PCDHGA5: variants seen among roughly 807,000 people sequenced by gnomAD.
PCDHGA5 encodes protocadherin gamma-A5.
PCDHGA5 carries 36 observed loss-of-function variants against 56.7 expected under a neutral mutation model. That is an observed-to-expected ratio of 0.64 (90% CI 0.49 to 0.84). The LOEUF is 0.84. Ranked by LOEUF, PCDHGA5 falls within the 40% of genes least tolerant of loss-of-function variation. The probability of loss-of-function intolerance (pLI) is 0.00; values close to 1 mark genes in which losing one functional copy is unlikely to be tolerated. For missense variants in PCDHGA5, 1,305 were observed against 1,201.5 expected (o/e 1.09, Z -1.27); for synonymous variants, 563 against 520.2 (o/e 1.08, Z -1.12).
chr5:141,399,346 GACCGAGAGCAA>G, intron 1 of PCDHGA5: 1 of 1,613,890 alleles, frequency 6.2e-7, no homozygotes, highest in Non-Finnish European at 8.5e-7. Flanking sequence ...TGGAACCCTA[GACCGAGAGCAA>G]ACCCCGGAGT....
intron 1 of PCDHGA5, chr5:141,420,380 C>T (rs1343046478): frequency 7.7e-7 from 1 of 1,306,574 alleles, no homozygotes; most frequent in Non-Finnish European, 1.0e-6. Flanking sequence ...TCATAGAGTT[C>T]GCAAAATATA....
chr5:141,373,352 G>A (rs1311109117), intron 1 of PCDHGA5, among the ~76,000 whole-genome samples: 5 of 152,178 alleles, frequency 3.3e-5, no homozygotes, highest in Non-Finnish European at 7.3e-5. Context: ...CTCTTGTAAT[G>A]GGCACTGTAA....
intron 1 of PCDHGA5, among the ~76,000 whole-genome samples, chr5:141,492,882 C>G (rs2099744816): frequency 6.6e-6 from 1 of 152,218 alleles, no homozygotes; most frequent in Admixed American, 6.5e-5. Context: ...CCCAGAGATA[C>G]AGGCTTTTGG....
In PCDHGA5 at chr5:141,423,756, G is replaced by A. The variant is rs544048105; in HGVS notation, c.2421+57005G>A. 1.6e-5 allele frequency: 7 copies of A among 448,620 alleles called. 1 individual carries two copies. Among genetic ancestry groups the A allele is most frequent in the Non-Finnish European group, 2.1e-5 (7 of 329,706 alleles). 27.8% of individuals were successfully genotyped at this position (448,620 alleles called of 1,614,324 possible). A position where few individuals can be genotyped will look rare whatever the true frequency, so the allele number is the denominator to read the frequency against. ...GCCTGTTATGAAAACTGTTTGGGGG[G>A]GGGGTGGGGCGGCATATATTTAGTT... On this transcript the variant is annotated intron_variant, in intron 1 of 3. Coordinates refer to ENST00000518069, the MANE Select transcript of PCDHGA5 (RefSeq NM_018918.3).
At position 141,365,998 on chromosome 5, in the gene PCDHGA5, C is replaced by T. The variant is rs374639173; in HGVS notation, c.1668C>T (p.Asn556=). ...VSLSLFVLDQ[N]DNTPEILYPA... ...TGAGCCTGTTTGTGCTGGACCAGAA[C>T]GACAATACGCCTGAGATCCTGTACC... Residue 556 remains asparagine, a synonymous_variant, in exon 1 of 4, where the codon AAC becomes AAT. Coordinates refer to ENST00000518069, the MANE Select transcript of PCDHGA5 (RefSeq NM_018918.3). 166 of 1,614,116 alleles carry T rather than the reference C, an allele frequency of 1.0e-4. No individual in the cohort carries two copies. Among genetic ancestry groups the T allele is most frequent in the Non-Finnish European group, 1.2e-4 (147 of 1,180,052 alleles).
At chr5:141,403,074 A>G (rs777613681) in intron 1 of PCDHGA5, 9 of 1,614,088 alleles carry the variant, frequency 5.6e-6, no homozygotes, top group Non-Finnish European at 6.8e-6. Flanking sequence ...GAGACAGAAA[A>G]GGGCTATATT....
chr5:141,487,361 A>C lies in PCDHGA5; in HGVS notation c.2422-7446A>C. On this transcript the variant is annotated intron_variant, in intron 1 of 3. Transcript: ENST00000518069. This position sits in a 1 kb window ranked among gnomAD's most constrained non-coding sequence, Gnocchi z 5.0. ...TGGAGTCACATGCTTTCCTGCTGGC[A>C]CCTGTGCCTGTCTCACCAGATCTCG... The C allele has an allele frequency of 1.2e-6, 2 of 1,613,834 alleles. No individual in the cohort carries two copies. Among genetic ancestry groups the C allele is most frequent in the East Asian group, 2.2e-5 (1 of 44,860 alleles).
At chr5:141,421,473 C>G (rs907282414) in intron 1 of PCDHGA5, 14 of 1,614,112 alleles carry the variant, frequency 8.7e-6, no homozygotes, top group African/African-American at 1.3e-5. Flanking sequence ...ATCCGCGAAG[C>G]GGCAGCTTGA....
chr5:141,477,059 A>T lies in PCDHGA5; in HGVS notation c.2422-17748A>T. The T allele has an allele frequency of 6.2e-7, 1 of 1,614,238 alleles. No homozygotes were observed. Among genetic ancestry groups the T allele is most frequent in the Non-Finnish European group, 8.5e-7 (1 of 1,180,036 alleles). ...CAAGGGTCGGCTGGACTTCGAGGAC[A>T]CCAAACTCCATGAGATTTACATCCA... On this transcript the variant is annotated intron_variant, in intron 1 of 3. Transcript: ENST00000518069. The surrounding 1 kb of genome is among the most constrained non-coding windows in gnomAD (Gnocchi z 4.9).
At position 141,511,271 on chromosome 5, in the gene PCDHGA5, C is replaced by T. The variant is rs371445452; in HGVS notation, c.*98C>T. ...GCCTCAGAGTTTCAGGGCTAACCCC[C>T]AGAATACTGGTAGGGGCCAAGGCCA... On this transcript the variant is annotated 3_prime_UTR_variant, in exon 4 of 4. Transcript: ENST00000518069. 9.1e-6 allele frequency: 14 copies of T among 1,544,094 alleles called. No individual in the cohort carries two copies. In the African/African-American group the frequency reaches 1.6e-4, roughly 18 times the overall value.
chr5:141,451,205 C>G (rs1023049434), intron 1 of PCDHGA5, among the ~76,000 whole-genome samples: 2 of 152,142 alleles, frequency 1.3e-5, no homozygotes, highest in African/African-American at 4.8e-5. Flanking sequence ...TATCCCAAAA[C>G]TTAGTGGCTT....
At chr5:141,410,006 G>A (rs1201569227) in intron 1 of PCDHGA5, 8 of 1,613,156 alleles carry the variant, frequency 5.0e-6, no homozygotes, top group Non-Finnish European at 5.9e-6. Context: ...GGGACACAAC[G>A]CCTGGCTGTC....
chr5:141,410,063 C>A lies in PCDHGA5; in HGVS notation c.2421+43312C>A. 1.9e-6 allele frequency: 3 copies of A among 1,612,972 alleles called. No homozygotes were observed. The South Asian group carries it at 3.3e-5, about 18-fold the overall frequency. On this transcript the variant is annotated intron_variant, in intron 1 of 3. Coordinates refer to ENST00000518069, the MANE Select transcript of PCDHGA5 (RefSeq NM_018918.3). ...TGAGCCCGGACTCTTCAGCCTGGGG[C>A]TGCGCACTGGGGAGGTGCGCACGGC...
chr5:141,417,975 A>C, intron 1 of PCDHGA5: 3 of 1,613,724 alleles, frequency 1.9e-6, no homozygotes, highest in Non-Finnish European at 2.5e-6. Context: ...TCGATTCCGG[A>C]GGAGCTGGCC....
chr5:141,445,446 G>T (rs2098467238), intron 1 of PCDHGA5, among the ~76,000 whole-genome samples: 1 of 152,264 alleles, frequency 6.6e-6, no homozygotes, highest in Admixed American at 6.5e-5. Flanking sequence ...ATGGACTAAG[G>T]ATGCAGCAAT....
At chr5:141,400,760 C>G (rs1296918626) in intron 1 of PCDHGA5, 2 of 582,290 alleles carry the variant, frequency 3.4e-6, no homozygotes, top group Non-Finnish European at 6.0e-6. Context: ...TCCTCTCTAG[C>G]AAAAACATTT....
At chr5:141,447,937 T>A (rs1036604034) in intron 1 of PCDHGA5, among the ~76,000 whole-genome samples, 1 of 151,852 alleles carries the variant, frequency 6.6e-6, no homozygotes, top group Non-Finnish European at 1.5e-5. Context: ...AATACAAAAA[T>A]TAGCTGGGCA....
intron 1 of PCDHGA5, chr5:141,414,697 T>C (rs748722995): frequency 6.2e-7 from 1 of 1,614,036 alleles, no homozygotes; most frequent in Non-Finnish European, 8.5e-7. Flanking sequence ...TCTGTCCTCA[T>C]ACATATCCAT....
At chr5:141,478,329 C>T (rs1295950117) in intron 1 of PCDHGA5, 1 of 1,613,982 alleles carries the variant, frequency 6.2e-7, no homozygotes, top group African/African-American at 1.3e-5. Context: ...TACCGAACAC[C>T]AGGGCCCTCC....
Sources: allele counts gnomAD v4.1 joint callset (sites outside exome capture counted in the v4.1 genomes callset), GRCh38; gene constraint gnomAD v4.1.1; non-coding constraint Gnocchi (gnomAD v3.1); transcripts MANE v1.5; gene names NCBI Gene and HGNC (gene_info 2026-07-23, HGNC 2026-07-21).